The following CDKAL1 variants were observed in gnomAD, a reference collection of about 807,000 sequenced individuals.
The protein encoded by CDKAL1 is threonylcarbamoyladenosine tRNA methylthiotransferase.
A neutral mutation model predicts 68.2 loss-of-function variants in CDKAL1; 32 were observed. That is an observed-to-expected ratio of 0.47 (90% CI 0.35 to 0.63). The LOEUF is 0.63. Among genes scored for constraint, CDKAL1 ranks in the 30% least tolerant of loss-of-function variants. CDKAL1 has a pLI of 0.00. For synonymous variants in CDKAL1, 234 were observed against 244.3 expected, an observed-to-expected ratio of 0.96 and a Z score of 0.39; for missense variants, 606 against 696.7, an observed-to-expected ratio of 0.87 and a Z score of 1.47.
At chr6:21,164,319 TAC>T (rs1344769541) in intron 13 of CDKAL1, among the ~76,000 whole-genome samples, 1 of 152,032 alleles carries the variant, frequency 6.6e-6, no homozygotes, top group Non-Finnish European at 1.5e-5. Context: ...CCACTCATTT[TAC>T]TAGCATTTAG....
intron 8 of CDKAL1, among the ~76,000 whole-genome samples, chr6:20,803,396 T>A (rs922285189): frequency 2.0e-5 from 3 of 152,194 alleles, no homozygotes; most frequent in African/African-American, 7.2e-5. Flanking sequence ...ATAGTCATCT[T>A]TCAAAACTTT....
intron 13 of CDKAL1, among the ~76,000 whole-genome samples, chr6:21,151,521 C>T (rs1045113442): frequency 6.6e-6 from 1 of 151,584 alleles, no homozygotes; most frequent in Non-Finnish European, 1.5e-5. Flanking sequence ...AACAAAAGAA[C>T]TCAAATATCT....
chr6:20,850,516 CT>C (rs1758950219), intron 9 of CDKAL1, among the ~76,000 whole-genome samples: 1 of 152,042 alleles, frequency 6.6e-6, no homozygotes. Flanking sequence ...TCTTGGCTCA[CT>C]GCAGCCTCCT....
chr6:20,575,579 C>T (rs887569383), intron 4 of CDKAL1, among the ~76,000 whole-genome samples: 1 of 151,376 alleles, frequency 6.6e-6, no homozygotes, highest in African/African-American at 2.4e-5. Context: ...TATATTTTTT[C>T]AGAAACCACA....
At chr6:20,863,247 G>T (rs1312165348) in intron 9 of CDKAL1, among the ~76,000 whole-genome samples, 1 of 152,014 alleles carries the variant, frequency 6.6e-6, no homozygotes, top group Admixed American at 6.6e-5. Context: ...GTGGCCCTTT[G>T]TATTTTGGTC....
At chr6:20,962,137 AT>A (rs1435711323) in intron 10 of CDKAL1, among the ~76,000 whole-genome samples, 1 of 152,238 alleles carries the variant, frequency 6.6e-6, no homozygotes, top group Non-Finnish European at 1.5e-5. Flanking sequence ...CAAGTTATAT[AT>A]TTTTAAACAT....
chr6:20,874,528 T>C (rs977365749), intron 9 of CDKAL1, among the ~76,000 whole-genome samples: 6 of 152,088 alleles, frequency 3.9e-5, no homozygotes, highest in African/African-American at 1.4e-4. Flanking sequence ...TTTTTAAACT[T>C]TTTTTGAGAT....
chr6:21,213,122 G>T (rs891207983), intron 15 of CDKAL1, among the ~76,000 whole-genome samples: 4 of 152,156 alleles, frequency 2.6e-5, no homozygotes, highest in Non-Finnish European at 4.4e-5. Flanking sequence ...GTCAGACCGT[G>T]GGTTTGGCAT....
At chr6:20,683,456 T>C (rs1770475321) in intron 5 of CDKAL1, among the ~76,000 whole-genome samples, 1 of 152,216 alleles carries the variant, frequency 6.6e-6, no homozygotes, top group African/African-American at 2.4e-5. Context: ...GAGAGATTCA[T>C]TAGCAGAAAA....
chr6:21,221,516 C>T (rs145746406), intron 15 of CDKAL1, among the ~76,000 whole-genome samples: 459 of 152,300 alleles, frequency 3.0e-3, no homozygotes, highest in African/African-American at 0.01. Flanking sequence ...GTGTGAGCCA[C>T]CATGCCCAGC....
intron 8 of CDKAL1, among the ~76,000 whole-genome samples, chr6:20,835,929 C>T (rs190351259): frequency 1.1e-4 from 16 of 152,246 alleles, no homozygotes; most frequent in African/African-American, 3.9e-4. Flanking sequence ...GCTGGTTGTG[C>T]TTATCAAAAT....
intron 5 of CDKAL1, among the ~76,000 whole-genome samples, chr6:20,716,400 T>A (rs904584920): frequency 6.6e-6 from 1 of 152,230 alleles, no homozygotes; most frequent in Admixed American, 6.5e-5. Context: ...TGAGATTTTT[T>A]AAAATTATCC....
At chr6:20,909,245 A>G (rs1206882640) in intron 9 of CDKAL1, among the ~76,000 whole-genome samples, 2 of 151,706 alleles carry the variant, frequency 1.3e-5, no homozygotes, top group African/African-American at 2.4e-5. Flanking sequence ...TTAAGCCCCT[A>G]TGGTACAGAA....
intron 8 of CDKAL1, among the ~76,000 whole-genome samples, chr6:20,784,821 G>A (rs894267617): frequency 6.6e-5 from 10 of 151,954 alleles, no homozygotes; most frequent in African/African-American, 2.4e-4. Flanking sequence ...TTGAGTAAAT[G>A]TTTTATAAGT....
chr6:20,944,580 A>G (rs1157368788), intron 9 of CDKAL1, among the ~76,000 whole-genome samples: 2 of 152,084 alleles, frequency 1.3e-5, no homozygotes, highest in African/African-American at 4.8e-5. Context: ...CCTGACCTCA[A>G]GTGATCCACC....
chr6:21,056,654 TG>T (rs1770851827), intron 11 of CDKAL1, among the ~76,000 whole-genome samples: 1 of 152,176 alleles, frequency 6.6e-6, no homozygotes. Context: ...ATATTGGCTG[TG>T]GGTTTGTCAT....
At chr6:21,041,946 G>A (rs772412415) in intron 11 of CDKAL1, among the ~76,000 whole-genome samples, 1 of 152,106 alleles carries the variant, frequency 6.6e-6, no homozygotes, top group Non-Finnish European at 1.5e-5. Flanking sequence ...AATCTTTGAT[G>A]TGGGACTTAA....
At chr6:20,728,886 C>A (rs541555134) in intron 5 of CDKAL1, among the ~76,000 whole-genome samples, 1 of 150,648 alleles carries the variant, frequency 6.6e-6, no homozygotes, top group Admixed American at 6.6e-5. Flanking sequence ...TTTTTTTTGA[C>A]CAAAAATGAT....
chr6:21,172,161 A>G (rs978287858), intron 13 of CDKAL1, among the ~76,000 whole-genome samples: 1 of 152,098 alleles, frequency 6.6e-6, no homozygotes, highest in African/African-American at 2.4e-5. Context: ...TATGGGGGTT[A>G]TTTCCTTGAA....
Sources: allele counts gnomAD v4.1 joint callset (sites outside exome capture counted in the v4.1 genomes callset), GRCh38; gene constraint gnomAD v4.1.1; transcripts MANE v1.5; gene names NCBI Gene and HGNC (gene_info 2026-07-23, HGNC 2026-07-21).